The following PON2 variants were observed in gnomAD, a reference collection of about 807,000 sequenced individuals.
PON2 encodes paraoxonase 2.
A neutral mutation model predicts 36.6 loss-of-function variants in PON2; 27 were observed. The ratio of observed to expected loss-of-function variants is 0.74; its 90% confidence interval spans 0.54 to 1.02. The LOEUF (loss-of-function observed/expected upper bound fraction) is 1.02. Among genes scored for constraint, PON2 ranks in the 50% least tolerant of loss-of-function variants. PON2 has a pLI of 0.00. For synonymous variants in PON2, 149 were observed against 156.3 expected (o/e 0.95, Z 0.35); for missense variants, 363 against 421.1 (o/e 0.86, Z 1.21).
intron 2 of PON2, among the ~76,000 whole-genome samples, chr7:95,421,984 A>C (rs940393005): frequency 2.6e-5 from 4 of 152,238 alleles, no homozygotes; most frequent in African/African-American, 9.6e-5. Context: ...AGAGCAACTT[A>C]GCAATGACTG....
intron 1 of PON2, among the ~76,000 whole-genome samples, chr7:95,431,365 C>T (rs1789437565): frequency 6.6e-6 from 1 of 151,974 alleles, no homozygotes; most frequent in South Asian, 2.1e-4. Context: ...AACATAAAGC[C>T]TCTGTTCCTT....
At chr7:95,416,655 T>G (rs1466423433) in intron 2 of PON2, among the ~76,000 whole-genome samples, 2 of 152,218 alleles carry the variant, frequency 1.3e-5, no homozygotes, top group African/African-American at 4.8e-5. Context: ...GAAGGGCTCA[T>G]AGGCATTTAA....
At chr7:95,432,140 T>A (rs1366112474) in intron 1 of PON2, among the ~76,000 whole-genome samples, 1 of 152,148 alleles carries the variant, frequency 6.6e-6, no homozygotes, top group Admixed American at 6.6e-5. Flanking sequence ...CCGAGGGTGG[T>A]GGCTCATGTG....
At chr7:95,431,899 T>C (rs1407313449) in intron 1 of PON2, among the ~76,000 whole-genome samples, 1 of 139,712 alleles carries the variant, frequency 7.2e-6, no homozygotes, top group Non-Finnish European at 1.5e-5. Context: ...GGTATAAGTA[T>C]TTCATGCTTA....
intron 6 of PON2, among the ~76,000 whole-genome samples, chr7:95,407,934 A>G (rs1377853063): frequency 1.3e-5 from 2 of 152,198 alleles, no homozygotes; most frequent in Non-Finnish European, 2.9e-5. Flanking sequence ...GCACAAGAGC[A>G]GAATCACAGG....
At chr7:95,420,047 T>A (rs1326069212) in intron 2 of PON2, among the ~76,000 whole-genome samples, 2 of 152,206 alleles carry the variant, frequency 1.3e-5, no homozygotes, top group African/African-American at 2.4e-5. Context: ...AGACACTATA[T>A]TGGAAAGTGA....
In PON2 at chr7:95,407,051, T is replaced by G; in HGVS notation, c.713A>C (p.Asp238Ala). The change falls in exon 7 of 9, where the codon GAC (aspartate) becomes GCC (alanine). Residue 238 changes from aspartate to alanine, a missense_variant. By Grantham distance (126) the Asp-to-Ala change is moderately radical. Coordinates refer to ENST00000222572, the MANE Select transcript of PON2 (RefSeq NM_000305.3). Reference protein sequence around the residue: ...SPDDKYIYVADILAHEIHVLE... With the variant: ...SPDDKYIYVAAILAHEIHVLE... The stretch of plus-strand genomic sequence containing the variant: ...AACATGAATTTCATGAGCCAATATG[T>G]CAGCAACATAGATATACCTTTGCAG... 1 of 1,596,328 alleles carries G rather than the reference T, an allele frequency of 6.3e-7. No homozygotes were observed.
intron 2 of PON2, among the ~76,000 whole-genome samples, chr7:95,423,411 A>G (rs1789241342): frequency 6.6e-6 from 1 of 152,084 alleles, no homozygotes; most frequent in African/African-American, 2.4e-5. Flanking sequence ...TCTATTATGT[A>G]CTAGGGACAT....
chr7:95,411,588 C>A (rs1788925315), intron 5 of PON2, 65 bp downstream of exon 5: 1 of 1,589,356 alleles, frequency 6.3e-7, no homozygotes, highest in Non-Finnish European at 8.6e-7. Context: ...GACAGGACAA[C>A]CCACCATAGG....
chr7:95,408,879 T>A (rs1327158705), intron 6 of PON2, among the ~76,000 whole-genome samples: 5 of 84,296 alleles, frequency 5.9e-5, no homozygotes, highest in Non-Finnish European at 1.0e-4. Context: ...AGAATCACAC[T>A]GTTTGAGCAA....
chr7:95,415,047 TAG>T (rs1189748932), intron 3 of PON2: 2 of 152,180 alleles, frequency 1.3e-5, no homozygotes, highest in Non-Finnish European at 2.9e-5. Context: ...ACTATTTTAT[TAG>T]TGTGGTGACT....
chr7:95,408,356 G>A (rs1809761008), intron 6 of PON2, among the ~76,000 whole-genome samples: 1 of 152,220 alleles, frequency 6.6e-6, no homozygotes, highest in Admixed American at 6.5e-5. Flanking sequence ...AAATTAGGCA[G>A]GTCTCACTCA....
Position 95,422,123 on chromosome 7 carries a change from C to G in PON2, c.145+2392G>C, listed in dbSNP as rs17876102. Among the ~76,000 whole-genome samples the G allele has an allele frequency of 1.2e-3, 189 of 152,204 alleles. 1 individual carries two copies. The highest frequency in any genetic ancestry group is 4.1e-3 in the African/African-American group (172 of 41,530). ...ATAGTTGCAAAAAACTGTAACAACC[C>G]AAATGTACATTAAAAGGGGAATGGT... On this transcript the variant is annotated intron_variant, in intron 2 of 8. Coordinates refer to ENST00000222572, the MANE Select transcript of PON2 (RefSeq NM_000305.3).
chr7:95,433,091 G>A (rs761739319), intron 1 of PON2, among the ~76,000 whole-genome samples: 11 of 152,182 alleles, frequency 7.2e-5, no homozygotes, highest in Non-Finnish European at 1.0e-4. Flanking sequence ...GTCAGCCACT[G>A]TTCTTACATT....
chr7:95,416,447 A>T (rs1216722405), intron 2 of PON2, 150 bp from the exon 3 acceptor site: 1 of 882,960 alleles, frequency 1.1e-6, no homozygotes, highest in Non-Finnish European at 1.8e-6. Context: ...TTTTTAATAA[A>T]TGTCAGTTTA....
chr7:95,412,632 A>G (rs1022693126), intron 3 of PON2, 155 bp from the exon 4 acceptor site: 1 of 724,124 alleles, frequency 1.4e-6, no homozygotes, highest in Non-Finnish European at 2.3e-6. Flanking sequence ...AACAGAAAAA[A>G]TAATAACGGG....
intron 2 of PON2, among the ~76,000 whole-genome samples, chr7:95,421,262 T>A (rs998351608): frequency 6.6e-6 from 1 of 152,156 alleles, no homozygotes; most frequent in Non-Finnish European, 1.5e-5. Flanking sequence ...TCCATCCCAG[T>A]GAGTTGTAAG....
intron 1 of PON2, among the ~76,000 whole-genome samples, chr7:95,431,512 G>A (rs897328029): frequency 2.6e-5 from 4 of 151,584 alleles, no homozygotes; most frequent in Admixed American, 6.6e-5. Flanking sequence ...CTCTACCTCT[G>A]GGGTTCAAGC....
At chr7:95,420,402 T>A (rs1789164721) in intron 2 of PON2, among the ~76,000 whole-genome samples, 1 of 152,238 alleles carries the variant, frequency 6.6e-6, no homozygotes, top group African/African-American at 2.4e-5. Flanking sequence ...GACATTTTAA[T>A]ATGCAGATGT....
Sources: gnomAD v4.1 joint callset for allele counts (sites outside exome capture counted in the v4.1 genomes callset) on GRCh38, gnomAD v4.1.1 for gene constraint, MANE v1.5 for transcripts, NCBI Gene and HGNC (gene_info 2026-07-23, HGNC 2026-07-21) for gene names.